Variants in ST7 observed in about 807,000 individuals in gnomAD.
ST7 encodes suppressor of tumorigenicity 7 protein.
A neutral mutation model predicts 78.7 loss-of-function variants in ST7; 28 were observed. The observed-to-expected ratio is 0.36, with a 90% CI of 0.26 to 0.49. ST7 has a LOEUF of 0.49. ST7 is among the 20% of genes least tolerant of loss of function. ST7 has a pLI of 0.99. For missense variants in ST7, 418 were observed against 696.0 expected (o/e 0.60, Z 4.49); for synonymous variants, 247 against 249.6 (o/e 0.99, Z 0.10).
chr7:117,141,155 AG>A (rs1410621943), intron 9 of ST7, among the ~76,000 whole-genome samples: 1 of 152,238 alleles, frequency 6.6e-6, no homozygotes, highest in Non-Finnish European at 1.5e-5. Flanking sequence ...ATAGAGGCTT[AG>A]GCAGGATGAT....
At chr7:117,184,867 C>T (rs559344323) in intron 10 of ST7, among the ~76,000 whole-genome samples, 1 of 152,112 alleles carries the variant, frequency 6.6e-6, no homozygotes, top group East Asian at 1.9e-4. Context: ...AAAATATCAC[C>T]GTTGGGAGAA....
intron 1 of ST7, among the ~76,000 whole-genome samples, chr7:117,037,939 C>G (rs936625189): frequency 6.6e-6 from 1 of 152,144 alleles, no homozygotes; most frequent in South Asian, 2.1e-4. Flanking sequence ...AAGCTGTGTT[C>G]TTTAAAGGGG....
chr7:117,016,885 TAGAAA>T lies in ST7; in HGVS notation c.151+63198_151+63202del, dbSNP rs1331860015. 2.6e-5 allele frequency among the ~76,000 whole-genome samples: 4 copies of T among 152,208 alleles called. No homozygotes were observed. The South Asian group carries it at 8.3e-4, about 32-fold the overall frequency. ...TCATGGCAGAGTGATTTTTTTGTATTAGAAAAGAGCATTTATTTTGCTTTCAGCAC... is the reference window on the plus strand; with the variant it reads ...TCATGGCAGAGTGATTTTTTTGTATTAGAGCATTTATTTTGCTTTCAGCAC... On this transcript the variant is annotated intron_variant, in intron 1 of 15. Coordinates refer to ENST00000323984, the MANE Select transcript of ST7 (RefSeq NM_001369598.1).
At chr7:117,128,227 G>A (rs925042872) in intron 3 of ST7, 2 of 151,858 alleles carry the variant, frequency 1.3e-5, no homozygotes, top group Non-Finnish European at 2.9e-5. Context: ...CTCTGAGCAG[G>A]GGTTGGCAGT....
chr7:117,012,938 T>G (rs765026746), intron 1 of ST7, among the ~76,000 whole-genome samples: 2 of 152,218 alleles, frequency 1.3e-5, no homozygotes, highest in Non-Finnish European at 2.9e-5. Context: ...TGTCCATCGG[T>G]CTTATACTTT....
chr7:117,035,489 T>G (rs1563030284), intron 1 of ST7, among the ~76,000 whole-genome samples: 1 of 152,242 alleles, frequency 6.6e-6, no homozygotes, highest in Non-Finnish European at 1.5e-5. Context: ...CAAATTCAAA[T>G]TCTATTTGGT....
rs1793118409 is a variant in ST7, at chr7:117,221,865, T to G, written c.1499-58T>G. On this transcript the variant is annotated intron_variant, in intron 14 of 15. Transcript: ENST00000323984. Reference sequence around the variant, plus strand: ...TGGAGTCAGTGCCACCATAAAGACCTCCCCTGAGAGTGCAGTTTACTCCAG... The same window carrying G: ...TGGAGTCAGTGCCACCATAAAGACCGCCCCTGAGAGTGCAGTTTACTCCAG... 3 of 1,517,502 alleles carry G rather than the reference T, an allele frequency of 2.0e-6. No individual in the cohort carries two copies. In the African/African-American group the frequency reaches 4.2e-5, roughly 21 times the overall value. The allele number at this position is 1,517,502 out of a possible 1,614,324, so 94.0% of individuals were successfully genotyped here. A position where few individuals can be genotyped will look rare whatever the true frequency, so the allele number is the denominator to read the frequency against.
intron 1 of ST7, among the ~76,000 whole-genome samples, chr7:117,029,877 A>G (rs1796387831): frequency 6.6e-6 from 1 of 151,714 alleles, no homozygotes; most frequent in African/African-American, 2.4e-5. Context: ...TTTCTAGTCT[A>G]TTTTATTCTA....
At chr7:117,167,166 A>G (rs995048021) in intron 9 of ST7, among the ~76,000 whole-genome samples, 12 of 151,120 alleles carry the variant, frequency 7.9e-5, no homozygotes, top group South Asian at 4.2e-4. Context: ...GGTGTGCTGC[A>G]CCCACTAACT....
At chr7:117,085,759 T>C (rs972086491) in intron 1 of ST7, among the ~76,000 whole-genome samples, 16 of 152,316 alleles carry the variant, frequency 1.1e-4, no homozygotes, top group Admixed American at 5.9e-4. Context: ...AGAAAGTGTT[T>C]TGTTAAAATT....
At chr7:117,006,492 CTT>C (rs1370498294) in intron 1 of ST7, among the ~76,000 whole-genome samples, 1 of 152,170 alleles carries the variant, frequency 6.6e-6, no homozygotes, top group African/African-American at 2.4e-5. Flanking sequence ...ATTTTTATGT[CTT>C]TTTATTCACA....
intron 1 of ST7, chr7:116,966,171 T>G (rs1462231892): frequency 7.3e-6 from 3 of 412,912 alleles, no homozygotes; most frequent in Non-Finnish European, 1.5e-5. Context: ...GACAGTATCT[T>G]TTTTAGTGGA....
intron 1 of ST7, among the ~76,000 whole-genome samples, chr7:117,054,185 C>T (rs1797943081): frequency 1.3e-5 from 2 of 152,264 alleles, no homozygotes; most frequent in Admixed American, 6.5e-5. Flanking sequence ...TCTGAGCACT[C>T]TCTACTTACT....
At chr7:117,137,980 T>C (rs1365600272) in intron 8 of ST7, among the ~76,000 whole-genome samples, 1 of 152,090 alleles carries the variant, frequency 6.6e-6, no homozygotes. Flanking sequence ...CTGGAGATGA[T>C]TATGATGTCA....
At position 116,979,579 on chromosome 7, in the gene ST7, C is replaced by T. The variant is rs76670283; in HGVS notation, c.151+25888C>T. On this transcript the variant is annotated intron_variant, in intron 1 of 15. Coordinates refer to ENST00000323984, the MANE Select transcript of ST7 (RefSeq NM_001369598.1). ...CTTCATCTTTTCTTTCCTTTATATA[C>T]GTTAAGTTACTAAATCCCATTAACT... Among the ~76,000 whole-genome samples the T allele has an allele frequency of 3.2e-3, 481 of 152,244 alleles. 1 individual carries two copies. Among genetic ancestry groups the T allele is most frequent in the Non-Finnish European group, 4.6e-3 (314 of 68,012 alleles).
At chr7:117,079,968 CTTT>C (rs34326752) in intron 1 of ST7, among the ~76,000 whole-genome samples, 139 of 65,332 alleles carry the variant, frequency 2.1e-3, no homozygotes, top group African/African-American at 7.2e-3. Flanking sequence ...TTTGTCATTC[CTTT>C]TTTTTTTTTT....
chr7:116,992,507 G>A (rs569347539), intron 1 of ST7, among the ~76,000 whole-genome samples: 2 of 152,296 alleles, frequency 1.3e-5, no homozygotes, highest in Admixed American at 6.5e-5. Context: ...TGGGATGCAG[G>A]GCACAAAGTC....
At chr7:117,131,099 T>C (rs980677015) in intron 5 of ST7, among the ~76,000 whole-genome samples, 2 of 151,882 alleles carry the variant, frequency 1.3e-5, no homozygotes, top group African/African-American at 4.8e-5. Flanking sequence ...CTTTGTTTAG[T>C]GTGTATTTTA....
At chr7:117,196,777 A>G (rs973144201) in intron 12 of ST7, among the ~76,000 whole-genome samples, 3 of 151,704 alleles carry the variant, frequency 2.0e-5, no homozygotes, top group Non-Finnish European at 4.4e-5. Context: ...TCTTTGCTAC[A>G]CAGAAGCATT....
Sources: allele counts gnomAD v4.1 joint callset (sites outside exome capture counted in the v4.1 genomes callset), GRCh38; gene constraint gnomAD v4.1.1; transcripts MANE v1.5; gene names NCBI Gene and HGNC (gene_info 2026-07-23, HGNC 2026-07-21).